LRRFIP1: variants seen among roughly 807,000 people sequenced by gnomAD.
The protein encoded by LRRFIP1 is LRR binding FLII interacting protein 1.
Under a neutral mutation model 104.4 loss-of-function variants are expected in LRRFIP1, and 62 were observed. The ratio of observed to expected loss-of-function variants is 0.59; its 90% CI spans 0.48 to 0.73. The LOEUF is 0.73. Among genes scored for constraint, LRRFIP1 ranks in the 30% least tolerant of loss-of-function variants. The probability of loss-of-function intolerance (pLI) is 0.00; values close to 1 mark genes in which losing one functional copy is unlikely to be tolerated. For synonymous variants in LRRFIP1, 300 were observed against 299.0 expected (o/e 1.00, Z -0.03); for missense variants, 796 against 824.5 (o/e 0.97, Z 0.42).
chr2:237,725,509 CA>C (rs2094708402), intron 7 of LRRFIP1, among the ~76,000 whole-genome samples: 1 of 151,918 alleles, frequency 6.6e-6, no homozygotes, highest in Admixed American at 6.6e-5. Context: ...CATCTAAATA[CA>C]ACACAAAAAA....
At chr2:237,726,522 G>C (rs1384876158) in intron 7 of LRRFIP1, among the ~76,000 whole-genome samples, 1 of 152,194 alleles carries the variant, frequency 6.6e-6, no homozygotes, top group Non-Finnish European at 1.5e-5. Flanking sequence ...CTAGGTGCTT[G>C]AGATACTCAT....
At chr2:237,750,610 C>A (rs1271941419) in intron 13 of LRRFIP1, among the ~76,000 whole-genome samples, 5 of 152,034 alleles carry the variant, frequency 3.3e-5, no homozygotes, top group Admixed American at 3.3e-4. Flanking sequence ...TGCTGGGATT[C>A]CAGGCGTGAG....
At chr2:237,750,742 G>A (rs939438259) in intron 13 of LRRFIP1, among the ~76,000 whole-genome samples, 27 of 152,240 alleles carry the variant, frequency 1.8e-4, no homozygotes, top group Admixed American at 3.3e-4. Flanking sequence ...TTACTGAGAG[G>A]CTGGCTGGTG....
intron 1 of LRRFIP1, among the ~76,000 whole-genome samples, chr2:237,695,644 T>G (rs1288415360): frequency 6.6e-6 from 1 of 152,210 alleles, no homozygotes; most frequent in East Asian, 1.9e-4. Context: ...ATTACCAACC[T>G]CTTCACCAAT....
At chr2:237,745,555 C>T (rs2150549481) in intron 11 of LRRFIP1, among the ~76,000 whole-genome samples, 1 of 152,148 alleles carries the variant, frequency 6.6e-6, no homozygotes, top group South Asian at 2.1e-4. Context: ...TAGACGGTTA[C>T]AAGCAAAACC....
chr2:237,668,553 T>C (rs1021655058), intron 1 of LRRFIP1, among the ~76,000 whole-genome samples: 4 of 152,268 alleles, frequency 2.6e-5, no homozygotes, highest in Admixed American at 2.6e-4. Flanking sequence ...CTCTCTCCCA[T>C]GGGGGTCTTA....
At chr2:237,771,631 G>C (rs1350299707) in intron 20 of LRRFIP1, among the ~76,000 whole-genome samples, 1 of 141,272 alleles carries the variant, frequency 7.1e-6, no homozygotes, top group East Asian at 2.1e-4. Flanking sequence ...GCTAGCTAGA[G>C]ACCAACTCCC....
intron 8 of LRRFIP1, among the ~76,000 whole-genome samples, chr2:237,729,036 C>T (rs2094891819): frequency 6.6e-6 from 1 of 152,240 alleles, no homozygotes; most frequent in Non-Finnish European, 1.5e-5. Flanking sequence ...GATTCTCCTG[C>T]CTCAGCCTCC....
chr2:237,763,863 A>G (rs1559833057), intron 19 of LRRFIP1: 1 of 1,614,258 alleles, frequency 6.2e-7, no homozygotes, highest in Non-Finnish European at 8.5e-7. Context: ...AGTCCTGCAG[A>G]ACCAAAGAGC....
intron 1 of LRRFIP1, among the ~76,000 whole-genome samples, chr2:237,645,252 T>C (rs922033092): frequency 6.6e-6 from 1 of 152,242 alleles, no homozygotes; most frequent in Non-Finnish European, 1.5e-5. Context: ...CTTCTTTTAG[T>C]GTGAGTATCA....
At chr2:237,758,361 A>G (rs958462733) in intron 17 of LRRFIP1, among the ~76,000 whole-genome samples, 2 of 152,204 alleles carry the variant, frequency 1.3e-5, no homozygotes, top group Non-Finnish European at 2.9e-5. Flanking sequence ...GTGCTTAAGC[A>G]ATCCCTTTTC....
intron 1 of LRRFIP1, among the ~76,000 whole-genome samples, chr2:237,690,410 A>G (rs45438300): frequency 0.22 from 32,941 of 152,138 alleles, 3,750 homozygotes; most frequent in South Asian, 0.31. Context: ...ATTTAAAATT[A>G]TTTTCTCCAA....
chr2:237,655,644 G>GA (rs2086693428), intron 1 of LRRFIP1, among the ~76,000 whole-genome samples: 1 of 152,218 alleles, frequency 6.6e-6, no homozygotes, highest in Non-Finnish European at 1.5e-5. Flanking sequence ...CACTAAAGCT[G>GA]ATTTGGGTGC....
At chr2:237,716,959 A>G (rs1321979802) in intron 3 of LRRFIP1, among the ~76,000 whole-genome samples, 5 of 152,248 alleles carry the variant, frequency 3.3e-5, no homozygotes, top group Admixed American at 2.6e-4. Context: ...CAGAATGGCT[A>G]TGAATGCAGC....
At chr2:237,657,329 AC>A (rs1481501896) in intron 1 of LRRFIP1, among the ~76,000 whole-genome samples, 1 of 152,234 alleles carries the variant, frequency 6.6e-6, no homozygotes, top group East Asian at 1.9e-4. Context: ...AATAAATGGA[AC>A]AATGAATATT....
At chr2:237,751,177 G>T (rs777475320) in intron 13 of LRRFIP1, 23 bp from the exon 14 acceptor site, 17 of 1,570,348 alleles carry the variant, frequency 1.1e-5, no homozygotes, top group Admixed American at 1.7e-5. Context: ...GACATCATCT[G>T]CCTTTTTTGC....
At chr2:237,709,956 G>A (rs990161007) in intron 2 of LRRFIP1, among the ~76,000 whole-genome samples, 6 of 151,504 alleles carry the variant, frequency 4.0e-5, no homozygotes, top group Non-Finnish European at 5.9e-5. Context: ...AGATTCAAGC[G>A]ATTATCATGC....
chr2:237,771,819 A>G, intron 20 of LRRFIP1: 1 of 386,772 alleles, frequency 2.6e-6, no homozygotes, highest in East Asian at 4.4e-5. Context: ...CTGAGTCTTA[A>G]ACATTGCAGG....
intron 10 of LRRFIP1, 69 bp from the exon 11 acceptor site, chr2:237,739,163 T>C: frequency 7.2e-7 from 1 of 1,391,866 alleles, no homozygotes; most frequent in South Asian, 1.2e-5. Context: ...GCCTCTATTC[T>C]CCTTGCTCCT....
Sources: allele counts gnomAD v4.1 joint callset (sites outside exome capture counted in the v4.1 genomes callset), GRCh38; gene constraint gnomAD v4.1.1; transcripts MANE v1.5; gene names NCBI Gene and HGNC (gene_info 2026-07-23, HGNC 2026-07-21).